The following ARHGAP26 variants were observed in gnomAD, a reference collection of about 807,000 sequenced individuals.
The protein encoded by ARHGAP26 is Rho GTPase activating protein 26.
Under a neutral mutation model 104.8 loss-of-function variants are expected in ARHGAP26, and 38 were observed. The observed-to-expected ratio is 0.36, with a 90% CI of 0.28 to 0.48. The LOEUF (loss-of-function observed/expected upper bound fraction) is 0.48, where lower values mean the gene tolerates loss of function less well. ARHGAP26 is among the 20% of genes least tolerant of loss of function. ARHGAP26 has a pLI of 0.99. For missense variants in ARHGAP26, 704 were observed against 947.9 expected, an observed-to-expected ratio of 0.74 and a Z score of 3.38; for synonymous variants, 341 against 340.0, an observed-to-expected ratio of 1.00 and a Z score of -0.03.
In ARHGAP26 at chr5:143,220,668, T is replaced by C. The variant is rs1384413786; in HGVS notation, c.2192-1690T>C. On this transcript the variant is annotated intron_variant, in intron 22 of 22. Transcript: ENST00000645722. The stretch of plus-strand genomic sequence containing the variant: ...CTTCTCTCCCAGACTGTCTCTTGTG[T>C]GGGTTGTCATGAACCCAAAGTATCC... Among the ~76,000 whole-genome samples, 5 of 152,320 alleles carry C rather than the reference T, an allele frequency of 3.3e-5. No homozygotes were observed. The East Asian group carries it at 7.7e-4, about 24-fold the overall frequency.
chr5:142,955,627 C>A (rs1217707722), intron 11 of ARHGAP26, among the ~76,000 whole-genome samples: 2 of 152,120 alleles, frequency 1.3e-5, no homozygotes, highest in Admixed American at 1.3e-4. Context: ...AAGAGCATGT[C>A]CTTATTTGAC....
At chr5:142,789,238 T>C (rs1343188890) in intron 1 of ARHGAP26, among the ~76,000 whole-genome samples, 2 of 152,240 alleles carry the variant, frequency 1.3e-5, no homozygotes, top group African/African-American at 4.8e-5. Flanking sequence ...ACTCATTATT[T>C]TCACCTTTTG....
At chr5:142,923,931 C>T (rs1044589319) in intron 10 of ARHGAP26, among the ~76,000 whole-genome samples, 13 of 148,584 alleles carry the variant, frequency 8.7e-5, no homozygotes, top group African/African-American at 2.5e-4. Flanking sequence ...GCGCAATCTC[C>T]GCTCACTGCA....
chr5:143,212,169 CAA>C (rs946037500), intron 21 of ARHGAP26, among the ~76,000 whole-genome samples: 1 of 152,184 alleles, frequency 6.6e-6, no homozygotes, highest in Non-Finnish European at 1.5e-5. Flanking sequence ...GCCCTGTCCT[CAA>C]GAGGCAGAAA....
At chr5:142,814,684 G>A (rs1209274231) in intron 1 of ARHGAP26, among the ~76,000 whole-genome samples, 5 of 152,134 alleles carry the variant, frequency 3.3e-5, no homozygotes, top group Admixed American at 6.5e-5. Flanking sequence ...TACAGGCTCC[G>A]GAGTCCCACT....
In ARHGAP26 at chr5:143,037,199, C is replaced by T. The variant is rs765772526; in HGVS notation, c.1148C>T (p.Ala383Val). 1.2e-5 allele frequency: 19 copies of T among 1,599,432 alleles called. No homozygotes were observed. Among genetic ancestry groups the T allele is most frequent in the Middle Eastern group, 1.7e-4 (1 of 5,988 alleles). The change falls in exon 13 of 23, where the codon GCG becomes GTG. Residue 383 changes from alanine (A) to valine (V), a missense_variant. Physicochemically the swap from Ala to Val is moderately conservative, Grantham distance 64 (BLOSUM62 0). Transcript: ENST00000645722. ...SNKDSQSEGT[A>V]QLDSIGFSII... ...TGTCCTTCTCTTGCTCTTTCAGCTG[C>T]GCAGTTGGACAGCATTGGCTTCAGC...
chr5:143,004,864 T>C (rs1777713569), intron 11 of ARHGAP26, among the ~76,000 whole-genome samples: 1 of 152,132 alleles, frequency 6.6e-6, no homozygotes, highest in African/African-American at 2.4e-5. Context: ...GCAAAAACAA[T>C]CTGACCTTGG....
intron 11 of ARHGAP26, among the ~76,000 whole-genome samples, chr5:143,007,201 A>G (rs1421796123): frequency 2.0e-5 from 3 of 148,432 alleles, no homozygotes; most frequent in African/African-American, 7.9e-5. Context: ...TCCGAAAAAA[A>G]AAAAAAAAAA....
chr5:143,214,159 AT>A, intron 22 of ARHGAP26, 71 bp downstream of exon 22: 1 of 895,812 alleles, frequency 1.1e-6, no homozygotes, highest in Non-Finnish European at 1.7e-6. Flanking sequence ...AATAACTGGC[AT>A]TTTCAAAGCT....
At chr5:142,949,301 G>C (rs897463760) in intron 11 of ARHGAP26, among the ~76,000 whole-genome samples, 37 of 139,912 alleles carry the variant, frequency 2.6e-4, no homozygotes, top group African/African-American at 1.0e-3. Context: ...TTGTTGCAAA[G>C]GATTCAGAGG....
chr5:142,889,792 C>A (rs114955589), intron 5 of ARHGAP26, among the ~76,000 whole-genome samples: 1 of 151,662 alleles, frequency 6.6e-6, no homozygotes, highest in Non-Finnish European at 1.5e-5. Flanking sequence ...GTGAGTGTGT[C>A]GCAAAATCAC....
At chr5:143,156,348 G>C (rs6887887) in intron 20 of ARHGAP26, among the ~76,000 whole-genome samples, 6 of 152,096 alleles carry the variant, frequency 3.9e-5, no homozygotes, top group African/African-American at 1.4e-4. Context: ...GATCTGGAAA[G>C]CCAGGCAGGA....
At chr5:143,198,922 C>T (rs977292398) in intron 20 of ARHGAP26, among the ~76,000 whole-genome samples, 11 of 152,064 alleles carry the variant, frequency 7.2e-5, no homozygotes, top group African/African-American at 2.7e-4. Flanking sequence ...AGGTGGTGGC[C>T]ACAGTACCCA....
intron 3 of ARHGAP26, 65 bp from the exon 4 acceptor site, chr5:142,879,309 T>A (rs1756591406): frequency 2.1e-6 from 3 of 1,449,610 alleles, no homozygotes; most frequent in Non-Finnish European, 2.9e-6. Flanking sequence ...ATGCTGGAGC[T>A]GCTGTAATTC....
chr5:142,954,768 T>C (rs1236301347), intron 11 of ARHGAP26, among the ~76,000 whole-genome samples: 1 of 152,226 alleles, frequency 6.6e-6, no homozygotes, highest in Non-Finnish European at 1.5e-5. Context: ...CCCAGCTGAC[T>C]AGATCTAGCC....
chr5:143,108,203 T>C (rs1343914225), intron 17 of ARHGAP26, among the ~76,000 whole-genome samples: 1 of 152,234 alleles, frequency 6.6e-6, no homozygotes, highest in Middle Eastern at 3.2e-3. Context: ...TTCAGATTGT[T>C]TCTAACTTTT....
chr5:142,840,944 A>G (rs891753526), intron 1 of ARHGAP26, among the ~76,000 whole-genome samples: 1 of 152,236 alleles, frequency 6.6e-6, no homozygotes, highest in Non-Finnish European at 1.5e-5. Flanking sequence ...CATGGAATTT[A>G]TGTGTTTTCC....
chr5:142,986,340 T>G (rs1480919937), intron 11 of ARHGAP26, among the ~76,000 whole-genome samples: 1 of 152,080 alleles, frequency 6.6e-6, no homozygotes, highest in African/African-American at 2.4e-5. Flanking sequence ...CTTTGCCCAC[T>G]TTTTGATGGG....
intron 11 of ARHGAP26, among the ~76,000 whole-genome samples, chr5:142,993,954 G>A (rs947298742): frequency 5.3e-5 from 8 of 152,198 alleles, no homozygotes; most frequent in Non-Finnish European, 1.2e-4. Context: ...ATAGGCAAGA[G>A]CCACTTTTTG....
Sources: gnomAD v4.1 joint callset for allele counts (sites outside exome capture counted in the v4.1 genomes callset) on GRCh38, gnomAD v4.1.1 for gene constraint, MANE v1.5 for transcripts, NCBI Gene and HGNC (gene_info 2026-07-23, HGNC 2026-07-21) for gene names.